Variants in BMPR1B observed in about 807,000 individuals in gnomAD.
The protein encoded by BMPR1B is bone morphogenetic protein receptor type 1B, also known as bone morphogenetic protein receptor type-1B.
In BMPR1B, 12 loss-of-function variants were observed where a neutral mutation model predicts 59.1. The ratio of observed to expected loss-of-function variants is 0.20; its 90% CI spans 0.13 to 0.33. The LOEUF (loss-of-function observed/expected upper bound fraction) is 0.33. Among genes scored for constraint, BMPR1B ranks in the 10% least tolerant of loss-of-function variants. BMPR1B has a pLI of 1.00. For missense variants in BMPR1B, 550 were observed against 610.9 expected (o/e 0.90, Z 1.05); for synonymous variants, 237 against 207.3 (o/e 1.14, Z -1.23).
intron 2 of BMPR1B, among the ~76,000 whole-genome samples, chr4:94,947,472 C>G (rs530534291): frequency 6.6e-6 from 1 of 152,162 alleles, no homozygotes; most frequent in African/African-American, 2.4e-5. Context: ...GATGCCCACG[C>G]CTTTGAGCTA....
intron 10 of BMPR1B, among the ~76,000 whole-genome samples, chr4:95,131,837 G>A (rs1432753999): frequency 6.6e-6 from 1 of 152,190 alleles, no homozygotes; most frequent in African/African-American, 2.4e-5. Flanking sequence ...AAGTTTTGGG[G>A]AAAATTTACA....
At chr4:95,089,320 T>A (rs1729814647) in intron 3 of BMPR1B, among the ~76,000 whole-genome samples, 1 of 152,020 alleles carries the variant, frequency 6.6e-6, no homozygotes, top group Non-Finnish European at 1.5e-5. Flanking sequence ...TTGTTGTTCT[T>A]TTTTTGGCGG....
At chr4:94,798,444 C>T (rs1037544329) in intron 1 of BMPR1B, among the ~76,000 whole-genome samples, 1 of 152,130 alleles carries the variant, frequency 6.6e-6, no homozygotes, top group African/African-American at 2.4e-5. Flanking sequence ...CTAATGTATC[C>T]CTTACTCTCA....
chr4:95,085,295 C>T (rs1467416198), intron 3 of BMPR1B, among the ~76,000 whole-genome samples: 1 of 152,024 alleles, frequency 6.6e-6, no homozygotes, highest in Non-Finnish European at 1.5e-5. Context: ...CAGGTCGCTC[C>T]CCTGAGACAG....
intron 2 of BMPR1B, among the ~76,000 whole-genome samples, chr4:94,912,175 T>G (rs1728300869): frequency 6.6e-6 from 1 of 152,142 alleles, no homozygotes; most frequent in South Asian, 2.1e-4. Flanking sequence ...CCCCCATGAT[T>G]GAATTATCTC....
chr4:94,965,897 A>G (rs1730538664), intron 2 of BMPR1B, among the ~76,000 whole-genome samples: 1 of 152,164 alleles, frequency 6.6e-6, no homozygotes, highest in South Asian at 2.1e-4. Context: ...CAACAGTGAA[A>G]CATTTGTGGA....
intron 2 of BMPR1B, among the ~76,000 whole-genome samples, chr4:94,963,624 G>A (rs1730451788): frequency 6.6e-6 from 1 of 152,002 alleles, no homozygotes; most frequent in Non-Finnish European, 1.5e-5. Flanking sequence ...TATATTCATG[G>A]TACTTTTGTA....
intron 2 of BMPR1B, among the ~76,000 whole-genome samples, chr4:94,950,886 C>G (rs1180962296): frequency 6.6e-6 from 1 of 152,138 alleles, no homozygotes; most frequent in Non-Finnish European, 1.5e-5. Context: ...TGGCCATTTT[C>G]ACAATATTGA....
At chr4:95,070,659 G>T (rs1728210760) in intron 3 of BMPR1B, among the ~76,000 whole-genome samples, 1 of 151,994 alleles carries the variant, frequency 6.6e-6, no homozygotes, top group South Asian at 2.1e-4. Flanking sequence ...TAGTCTAGTG[G>T]CCTTACAAAA....
chr4:94,877,989 AATG>A (rs1466429041), intron 2 of BMPR1B, among the ~76,000 whole-genome samples: 1 of 152,130 alleles, frequency 6.6e-6, no homozygotes, highest in Admixed American at 6.5e-5. Flanking sequence ...TTTACATTGG[AATG>A]ATATCGCCTA....
chr4:94,804,287 A>C (rs967326219), intron 1 of BMPR1B, among the ~76,000 whole-genome samples: 4 of 152,216 alleles, frequency 2.6e-5, no homozygotes, highest in African/African-American at 9.7e-5. Context: ...GGATTGATGA[A>C]TAGGAAGTTT....
At chr4:94,957,514 T>C (rs981583518) in intron 2 of BMPR1B, among the ~76,000 whole-genome samples, 1 of 152,012 alleles carries the variant, frequency 6.6e-6, no homozygotes, top group African/African-American at 2.4e-5. Flanking sequence ...TTTTTCTTTT[T>C]CTTTTCTTTC....
chr4:95,091,501 T>A, intron 3 of BMPR1B: 1 of 985,330 alleles, frequency 1.0e-6, no homozygotes, highest in Non-Finnish European at 1.2e-6. Context: ...ATATCACAGG[T>A]GCAGGATTAG....
At chr4:95,095,875 T>G (rs1730334580) in intron 3 of BMPR1B, among the ~76,000 whole-genome samples, 1 of 151,886 alleles carries the variant, frequency 6.6e-6, no homozygotes, top group Non-Finnish European at 1.5e-5. Flanking sequence ...ATTAAAAATT[T>G]TTTATTTATG....
intron 3 of BMPR1B, among the ~76,000 whole-genome samples, chr4:95,055,410 A>AT (rs1235038058): frequency 6.6e-6 from 1 of 152,192 alleles, no homozygotes; most frequent in East Asian, 1.9e-4. Context: ...TTTTGGTAAT[A>AT]TTTTAAGTGA....
At chr4:94,761,415 C>CTGTGTGTGTGTGTGTG (rs57447983) in intron 1 of BMPR1B, among the ~76,000 whole-genome samples, 2 of 141,208 alleles carry the variant, frequency 1.4e-5, no homozygotes, top group African/African-American at 2.6e-5. Context: ...CTGTATAATT[C>CTGTGTGTGTGTGTGTG]TGTGTGTGTG....
intron 3 of BMPR1B, among the ~76,000 whole-genome samples, chr4:95,038,460 T>C (rs1465424006): frequency 6.6e-6 from 1 of 152,200 alleles, no homozygotes; most frequent in Non-Finnish European, 1.5e-5. Context: ...TTTCTATTTG[T>C]ACTCCCAGAA....
At position 94,770,180 on chromosome 4, in the gene BMPR1B, GTGTTTGTTT is replaced by G. The variant is rs557111811; in HGVS notation, c.-183+12114_-183+12122del. Among the ~76,000 whole-genome samples, 59 of 106,270 alleles carry G rather than the reference GTGTTTGTTT, an allele frequency of 5.6e-4. 4 individuals are homozygous for G. The highest frequency in any genetic ancestry group is 2.3e-3 in the African/African-American group (56 of 24,210). The allele number at this position is 106,270 out of a possible 152,430, so 69.7% of individuals were successfully genotyped here. The stretch of plus-strand genomic sequence containing the variant: ...TTTGTTTGAATTGTCCTTCGTTTCT[GTGTTTGTTT>G]TTTTTTTTTTTTTTTGCGAAAGCAA... On this transcript the variant is annotated intron_variant, in intron 1 of 12. Coordinates refer to ENST00000515059, the MANE Select transcript of BMPR1B (RefSeq NM_001203.3).
chr4:95,138,932 C>T lies in BMPR1B; in HGVS notation c.1076+7420C>T, dbSNP rs369095079. 2.1e-4 allele frequency among the ~76,000 whole-genome samples: 32 copies of T among 152,312 alleles called. 1 individual carries two copies. Among genetic ancestry groups the T allele is most frequent in the Admixed American group, 1.1e-3 (17 of 15,292 alleles). On this transcript the variant is annotated intron_variant, in intron 10 of 12. Transcript: ENST00000515059. ...CTCTCAACTCGTCAAAGTCATTCTC[C>T]GTGCAGCTTTGTTCCATTGCTGGTG...
Sources: allele counts gnomAD v4.1 joint callset (sites outside exome capture counted in the v4.1 genomes callset), GRCh38; gene constraint gnomAD v4.1.1; transcripts MANE v1.5; gene names NCBI Gene and HGNC (gene_info 2026-07-23, HGNC 2026-07-21).